Variants in TCEA1 observed in about 807,000 individuals in gnomAD.
TCEA1 encodes transcription elongation factor A1.
In TCEA1, 21 loss-of-function variants were observed where a neutral mutation model predicts 43.8. The ratio of observed to expected loss-of-function variants is 0.48; its 90% CI spans 0.34 to 0.69. TCEA1 has a LOEUF of 0.69. Ranked by LOEUF, TCEA1 falls within the 30% of genes least tolerant of loss-of-function variation. The pLI, the probability that TCEA1 is intolerant of heterozygous loss-of-function variation, is 0.01. For missense variants in TCEA1, 250 were observed against 365.1 expected, an observed-to-expected ratio of 0.68 and a Z score of 2.57; for synonymous variants, 104 against 117.5, an observed-to-expected ratio of 0.88 and a Z score of 0.75.
At chr8:53,993,608 T>C (rs1586012871) in intron 4 of TCEA1, 60 bp downstream of exon 4, 2 of 1,385,070 alleles carry the variant, frequency 1.4e-6, no homozygotes, top group Non-Finnish European at 2.0e-6. Context: ...GACAGGGGAA[T>C]TGATGCAGGA....
In TCEA1 at chr8:53,967,829, A is replaced by T. The variant is rs1268125618; in HGVS notation, c.*275T>A. On this transcript the variant is annotated 3_prime_UTR_variant, in exon 10 of 10. Transcript: ENST00000521604. Reference sequence around the variant, plus strand: ...TAAGGTATATTTTCCTTTAAGAAAGAAGAAATATTGCCAAGAGTTTAATTA... The same window carrying T: ...TAAGGTATATTTTCCTTTAAGAAAGTAGAAATATTGCCAAGAGTTTAATTA... 1 of 359,332 alleles carries T rather than the reference A, an allele frequency of 2.8e-6. No individual in the cohort carries two copies. The highest frequency in any genetic ancestry group is 5.1e-6 in the Non-Finnish European group (1 of 195,212). The allele number at this position is 359,332 out of a possible 1,614,324, so 22.3% of individuals were successfully genotyped here. A position where few individuals can be genotyped will look rare whatever the true frequency, so the allele number is the denominator to read the frequency against.
intron 6 of TCEA1, among the ~76,000 whole-genome samples, chr8:53,986,700 A>G (rs1287521252): frequency 6.6e-6 from 1 of 152,212 alleles, no homozygotes; most frequent in Non-Finnish European, 1.5e-5. Flanking sequence ...CAGCTTCAAC[A>G]TGAAGGAAAA....
intron 9 of TCEA1, among the ~76,000 whole-genome samples, chr8:53,968,765 A>C (rs1803066403): frequency 6.6e-6 from 1 of 152,106 alleles, no homozygotes; most frequent in African/African-American, 2.4e-5. Flanking sequence ...GGGCCACAGA[A>C]CAAGACTCCA....
intron 1 of TCEA1, among the ~76,000 whole-genome samples, chr8:54,018,995 T>C (rs556919311): frequency 2.0e-5 from 3 of 152,336 alleles, no homozygotes; most frequent in South Asian, 4.1e-4. Context: ...AAGACTATTC[T>C]AAATACTTAG....
chr8:53,997,402 A>G (rs1164079560), intron 3 of TCEA1, among the ~76,000 whole-genome samples: 7 of 152,186 alleles, frequency 4.6e-5, no homozygotes, highest in Non-Finnish European at 1.0e-4. Flanking sequence ...CTCCCACAGA[A>G]TGGCTATTAG....
At chr8:54,012,887 C>A (rs1417787659) in intron 1 of TCEA1, among the ~76,000 whole-genome samples, 6 of 147,174 alleles carry the variant, frequency 4.1e-5, no homozygotes, top group African/African-American at 1.5e-4. Flanking sequence ...GAACCATGAT[C>A]GTGCCACGGC....
At chr8:54,006,530 AAAG>A (rs1000585996) in intron 2 of TCEA1, among the ~76,000 whole-genome samples, 2 of 152,216 alleles carry the variant, frequency 1.3e-5, no homozygotes, top group African/African-American at 4.8e-5. Flanking sequence ...CAGGCTTTCC[AAAG>A]AAGGAAGCAC....
At chr8:54,010,600 A>C in intron 1 of TCEA1, 108 bp from the exon 2 acceptor site, 1 of 825,764 alleles carries the variant, frequency 1.2e-6, no homozygotes, top group Non-Finnish European at 1.9e-6. Flanking sequence ...GAGGAATAAA[A>C]TCAGATAAGG....
chr8:53,996,763 C>T (rs550024504), intron 3 of TCEA1, among the ~76,000 whole-genome samples: 1 of 114,432 alleles, frequency 8.7e-6, no homozygotes, highest in Non-Finnish European at 1.5e-5. Context: ...AGTACACACA[C>T]AGCATAGGTA....
At chr8:53,992,141 G>A (rs988651629) in intron 4 of TCEA1, among the ~76,000 whole-genome samples, 1 of 150,504 alleles carries the variant, frequency 6.6e-6, no homozygotes, top group East Asian at 2.0e-4. Flanking sequence ...GTGAAACCTC[G>A]TCTCTATTAA....
chr8:53,980,414 C>G (rs1359984597), intron 7 of TCEA1, among the ~76,000 whole-genome samples: 2 of 152,204 alleles, frequency 1.3e-5, no homozygotes, highest in African/African-American at 4.8e-5. Flanking sequence ...TGCAGCAATG[C>G]TGTGTTGAGC....
At chr8:53,997,585 A>G (rs1804100650) in intron 3 of TCEA1, among the ~76,000 whole-genome samples, 1 of 152,224 alleles carries the variant, frequency 6.6e-6, no homozygotes, top group Admixed American at 6.5e-5. Flanking sequence ...TACACCTCAA[A>G]TAAGGAATAT....
rs1803432899 is a variant in TCEA1 at position 53,979,244 on chromosome 8, T to C, written c.679-73A>G. 9 of 1,390,224 alleles carry C rather than the reference T, an allele frequency of 6.5e-6. No individual in the cohort carries two copies. The South Asian group carries it at 1.1e-4, about 18-fold the overall frequency. 86.1% of individuals were successfully genotyped at this position (1,390,224 alleles called of 1,614,324 possible). Reference sequence around the variant, plus strand: ...ATATCCTGAATGCTTTTATGCTCAATTAGCCTAATAATAATAAAACCACAT... The same window carrying C: ...ATATCCTGAATGCTTTTATGCTCAACTAGCCTAATAATAATAAAACCACAT... On this transcript the variant is annotated intron_variant, in intron 7 of 9. Transcript: ENST00000521604.
chr8:54,005,120 T>G (rs575221173), intron 2 of TCEA1, among the ~76,000 whole-genome samples: 11 of 152,356 alleles, frequency 7.2e-5, no homozygotes, highest in Admixed American at 2.0e-4. Context: ...CAGTCTGTTA[T>G]ATCCCAACTC....
chr8:53,984,607 G>C, intron 6 of TCEA1, 90 bp from the exon 7 acceptor site: 1 of 1,161,864 alleles, frequency 8.6e-7, no homozygotes, highest in Non-Finnish European at 1.2e-6. Context: ...CCTGAGGCCA[G>C]GCACGGTGGC....
chr8:54,019,401 C>G (rs927780416), intron 1 of TCEA1, among the ~76,000 whole-genome samples: 1 of 151,854 alleles, frequency 6.6e-6, no homozygotes, highest in Admixed American at 6.6e-5. Context: ...GAAATCCCAT[C>G]TCTACTAAAA....
At chr8:54,018,164 A>G (rs1327139502) in intron 1 of TCEA1, among the ~76,000 whole-genome samples, 1 of 152,214 alleles carries the variant, frequency 6.6e-6, no homozygotes, top group African/African-American at 2.4e-5. Context: ...GTACTTGGAA[A>G]TGTAAATCAA....
chr8:54,012,984 A>G lies in TCEA1; in HGVS notation c.64-2492T>C, dbSNP rs796496079. The stretch of plus-strand genomic sequence containing the variant: ...CGACAAAAAAAAAAAAAAAAAAAAA[A>G]GATTGTGGGCCTGTATTCTCCATTT... On this transcript the variant is annotated intron_variant, in intron 1 of 9. Coordinates refer to ENST00000521604, the MANE Select transcript of TCEA1 (RefSeq NM_006756.4). 1.4e-5 allele frequency among the ~76,000 whole-genome samples: 2 copies of G among 145,506 alleles called. 1 individual carries two copies. The highest frequency in any genetic ancestry group is 5.1e-5 in the African/African-American group (2 of 39,454).
At chr8:53,988,964 G>A (rs552295449) in intron 4 of TCEA1, among the ~76,000 whole-genome samples, 2 of 152,134 alleles carry the variant, frequency 1.3e-5, no homozygotes, top group Non-Finnish European at 2.9e-5. Flanking sequence ...AGCTACTTGG[G>A]AGGCTGAGGC....
Sources: allele counts gnomAD v4.1 joint callset (sites outside exome capture counted in the v4.1 genomes callset), GRCh38; gene constraint gnomAD v4.1.1; transcripts MANE v1.5; gene names NCBI Gene and HGNC (gene_info 2026-07-23, HGNC 2026-07-21).